The following WDR7 variants were observed in gnomAD, a reference collection of about 807,000 sequenced individuals.
WDR7 encodes WD repeat domain 7, also known as WD repeat-containing protein 7.
Under a neutral mutation model 169.4 loss-of-function variants are expected in WDR7, and 46 were observed. The observed-to-expected ratio is 0.27, with a 90% CI of 0.21 to 0.35. The LOEUF (loss-of-function observed/expected upper bound fraction) is 0.35. Ranked by LOEUF, WDR7 falls within the 10% of genes least tolerant of loss-of-function variation. The pLI is 1.00. For synonymous variants in WDR7, 612 were observed against 666.8 expected (o/e 0.92, Z 1.27); for missense variants, 1,534 against 1,859.3 (o/e 0.83, Z 3.22).
intron 20 of WDR7, among the ~76,000 whole-genome samples, chr18:56,851,862 T>C (rs535628970): frequency 2.9e-4 from 44 of 152,372 alleles, no homozygotes; most frequent in African/African-American, 1.1e-3. Flanking sequence ...TTAGCACATA[T>C]AGCTTAATTT....
At chr18:56,971,482 A>C (rs1301217164) in intron 26 of WDR7, among the ~76,000 whole-genome samples, 3 of 152,076 alleles carry the variant, frequency 2.0e-5, no homozygotes, top group African/African-American at 7.2e-5. Flanking sequence ...AACTGTTCCT[A>C]CCCTCAGGGA....
intron 20 of WDR7, among the ~76,000 whole-genome samples, chr18:56,821,590 A>G (rs1223073754): frequency 2.0e-5 from 3 of 152,036 alleles, no homozygotes; most frequent in Non-Finnish European, 4.4e-5. Flanking sequence ...TGTTTATGAT[A>G]AGAGGTAGTT....
intron 20 of WDR7, among the ~76,000 whole-genome samples, chr18:56,838,532 G>A (rs2145314955): frequency 6.6e-6 from 1 of 152,034 alleles, no homozygotes; most frequent in African/African-American, 2.4e-5. Flanking sequence ...TTTGATCCTG[G>A]GACACCCAAG....
At chr18:56,675,618 T>A (rs2025227757) in intron 2 of WDR7, among the ~76,000 whole-genome samples, 1 of 151,580 alleles carries the variant, frequency 6.6e-6, no homozygotes, top group Admixed American at 6.6e-5. Flanking sequence ...TCCTTTAGGA[T>A]TTTCTGCATA....
chr18:56,670,813 C>T (rs547599254), intron 1 of WDR7, among the ~76,000 whole-genome samples: 2 of 152,072 alleles, frequency 1.3e-5, no homozygotes, highest in African/African-American at 2.4e-5. Context: ...ACCTGGCCAT[C>T]GCCTCATTTT....
intron 21 of WDR7, among the ~76,000 whole-genome samples, chr18:56,887,385 C>A (rs1039770588): frequency 1.4e-4 from 22 of 152,158 alleles, no homozygotes; most frequent in Middle Eastern, 6.8e-3. Flanking sequence ...TAGAACCTGG[C>A]CTGTTCTTTG....
At chr18:56,674,324 C>T (rs555814104) in intron 2 of WDR7, among the ~76,000 whole-genome samples, 14 of 152,126 alleles carry the variant, frequency 9.2e-5, no homozygotes, top group Non-Finnish European at 1.9e-4. Flanking sequence ...GATTCTAGCC[C>T]GAATTTTGTG....
At chr18:56,897,761 C>A (rs957976727) in intron 21 of WDR7, among the ~76,000 whole-genome samples, 8 of 151,686 alleles carry the variant, frequency 5.3e-5, no homozygotes, top group African/African-American at 1.9e-4. Flanking sequence ...ATAGCAGTGA[C>A]CAAGATTATA....
At chr18:57,036,192 C>T in the WDR7 span, 1 of 152,232 alleles carries the variant, frequency 6.6e-6, no homozygotes, top group African/African-American at 2.4e-5. Context: ...AATGGCTGTT[C>T]CCAGGCTTTT....
rs971908600 is a variant in WDR7 at position 56,874,270 on chromosome 18, A to AT, written c.3305-5665dup. Reference sequence around the variant, plus strand: ...CTAAACACAGAGGCAATGATTATTGATTTTTTTTTCTTCTTAGTATGGTTA... The same window carrying AT: ...CTAAACACAGAGGCAATGATTATTGATTTTTTTTTTCTTCTTAGTATGGTTA... On this transcript the variant is annotated intron_variant, in intron 20 of 27. Transcript: ENST00000254442. Among the ~76,000 whole-genome samples the AT allele has an allele frequency of 5.3e-5, 8 of 151,094 alleles. No individual in the cohort carries two copies. In the East Asian group the frequency reaches 5.8e-4, roughly 11 times the overall value.
At chr18:56,979,229 A>C (rs553688954) in intron 26 of WDR7, among the ~76,000 whole-genome samples, 35 of 152,304 alleles carry the variant, frequency 2.3e-4, no homozygotes, top group African/African-American at 7.2e-4. Flanking sequence ...TAAAATCATA[A>C]CATTTTAGTT....
At chr18:56,707,917 A>C (rs2025996244) in intron 12 of WDR7, among the ~76,000 whole-genome samples, 1 of 152,140 alleles carries the variant, frequency 6.6e-6, no homozygotes, top group African/African-American at 2.4e-5. Context: ...TTTGTTCTGC[A>C]TCTCCAGTTA....
intron 14 of WDR7, among the ~76,000 whole-genome samples, chr18:56,745,258 C>A (rs920867611): frequency 6.6e-6 from 1 of 152,178 alleles, no homozygotes; most frequent in South Asian, 2.1e-4. Context: ...CCCACACTTA[C>A]GATGCACAGA....
At chr18:56,837,584 T>G (rs1470589574) in intron 20 of WDR7, among the ~76,000 whole-genome samples, 1 of 152,178 alleles carries the variant, frequency 6.6e-6, no homozygotes, top group Admixed American at 6.6e-5. Context: ...TGGGAATTAG[T>G]TGAGATATTG....
chr18:56,821,304 A>C (rs1486032035), intron 20 of WDR7, among the ~76,000 whole-genome samples: 3 of 152,222 alleles, frequency 2.0e-5, no homozygotes. Flanking sequence ...TATCAAGCAC[A>C]TTACACATGA....
At chr18:56,973,500 G>T (rs973871949) in intron 26 of WDR7, among the ~76,000 whole-genome samples, 1 of 151,636 alleles carries the variant, frequency 6.6e-6, no homozygotes, top group Non-Finnish European at 1.5e-5. Context: ...GTGTGGGGGG[G>T]GTGTATTCCA....
intron 20 of WDR7, among the ~76,000 whole-genome samples, chr18:56,870,375 A>G (rs2045936782): frequency 6.6e-6 from 1 of 152,160 alleles, no homozygotes. Context: ...ACTTATTTAC[A>G]CTGTGAAAAC....
chr18:56,672,717 T>G (rs770733335), intron 2 of WDR7, 43 bp downstream of exon 2: 56 of 1,515,318 alleles, frequency 3.7e-5, no homozygotes, highest in Admixed American at 1.7e-4. Context: ...GATATAAAAA[T>G]CTACTTATTA....
chr18:56,952,135 A>G (rs1046908295), intron 25 of WDR7, among the ~76,000 whole-genome samples: 1 of 152,198 alleles, frequency 6.6e-6, no homozygotes, highest in Non-Finnish European at 1.5e-5. Context: ...TGAAAAGGGC[A>G]AATAACATCC....
Sources: gnomAD v4.1 joint callset for allele counts (sites outside exome capture counted in the v4.1 genomes callset) on GRCh38, gnomAD v4.1.1 for gene constraint, MANE v1.5 for transcripts, NCBI Gene and HGNC (gene_info 2026-07-23, HGNC 2026-07-21) for gene names.